The following SLC27A6 variants were observed in gnomAD, a reference collection of about 807,000 sequenced individuals.
SLC27A6 encodes the protein solute carrier family 27 member 6, also known as long-chain fatty acid transport protein 6.
Under a neutral mutation model 63.9 loss-of-function variants are expected in SLC27A6, and 74 were observed. The observed-to-expected ratio is 1.16, with a 90% CI of 0.96 to 1.40. The LOEUF is 1.40. Ranked by LOEUF, SLC27A6 falls within the 40% of genes most tolerant of loss-of-function variation. The pLI is 0.00. For missense variants in SLC27A6, 794 were observed against 732.9 expected, an observed-to-expected ratio of 1.08 and a Z score of -0.96; for synonymous variants, 287 against 260.8, an observed-to-expected ratio of 1.10 and a Z score of -0.97.
intron 1 of SLC27A6, among the ~76,000 whole-genome samples, chr5:128,970,379 A>G (rs10007882): frequency 6.6e-6 from 1 of 152,044 alleles, no homozygotes; most frequent in East Asian, 1.9e-4. Flanking sequence ...TTGTGAACCC[A>G]TCTTGTCCTG....
chr5:128,977,541 A>G (rs1277844886), intron 1 of SLC27A6, among the ~76,000 whole-genome samples: 1 of 152,134 alleles, frequency 6.6e-6, no homozygotes, highest in South Asian at 2.1e-4. Context: ...AGGAGGAGAA[A>G]GGAGGAAAAA....
Position 129,027,148 on chromosome 5 carries a change from T to G in SLC27A6, c.1271T>G (p.Leu424Arg). The stretch of plus-strand genomic sequence containing the variant: ...TTTCTTGCAGGAGAACCTGGACTTC[T>G]CATTTCTCGAGTGAATGCAAAAAAT... ...IHVKKGEPGL[L>R]ISRVNAKNPF... Residue 424 changes from leucine (L) to arginine (R), a missense_variant, in exon 7 of 10, where the codon CTC becomes CGC. Physicochemically the swap from Leu to Arg is moderately radical, Grantham distance 102. Transcript: ENST00000262462. The G allele has an allele frequency of 6.2e-7, 1 of 1,613,328 alleles. No individual in the cohort carries two copies. Among genetic ancestry groups the G allele is most frequent in the East Asian group, 2.2e-5 (1 of 44,836 alleles).
Position 128,990,416 on chromosome 5 carries a change from G to A in SLC27A6, c.921G>A (p.Val307=). The A allele has an allele frequency of 6.2e-7, 1 of 1,613,840 alleles. No individual in the cohort carries two copies. Residue 307 remains valine (V), a synonymous_variant, in exon 4 of 10, where the codon GTG becomes GTA. Coordinates refer to ENST00000262462, the MANE Select transcript of SLC27A6 (RefSeq NM_001017372.3). ...WSDCKKYDVT[V]FQYIGELCRY... ...ACTGCAAGAAGTATGATGTGACTGT[G>A]TTTCAGTATATTGGAGAACTTTGTC...
At chr5:129,005,116 A>G (rs1561624416) in intron 4 of SLC27A6, among the ~76,000 whole-genome samples, 1 of 151,880 alleles carries the variant, frequency 6.6e-6, no homozygotes, top group Non-Finnish European at 1.5e-5. Context: ...TCCAGGGTTC[A>G]CCAATAGAGT....
chr5:129,033,239 G>A lies in SLC27A6; in HGVS notation c.1817G>A (p.Arg606Lys). 1.3e-6 allele frequency: 2 copies of A among 1,588,208 alleles called. No homozygotes were observed. The highest frequency in any genetic ancestry group is 8.6e-7 in the Non-Finnish European group (1 of 1,166,596). ...NLKKSYVLLT[R>K]ELYDQIMLGE... ...AAAAAGTCTTATGTTCTACTGACCA[G>A]GGAACTTTATGATCAAATAATGTTA... The change falls in exon 10 of 10, where the codon AGG (arginine) becomes AAG (lysine). Residue 606 changes from arginine (R) to lysine (K), a missense_variant. By Grantham distance (26) the Arg-to-Lys change is conservative (BLOSUM62 2). Transcript: ENST00000262462.
chr5:128,985,190 G>A lies in SLC27A6; in HGVS notation c.539G>A (p.Trp180Ter). The A allele has an allele frequency of 1.2e-6, 2 of 1,613,876 alleles. No individual in the cohort carries two copies. Among genetic ancestry groups the A allele is most frequent in the Non-Finnish European group, 1.7e-6 (2 of 1,179,864 alleles). ...AGCCTCTCAGAAAATATCAGTGTTT[G>A]GGGGATGAAAGATTCTGTTCCACAA... The part of the protein sequence containing the change: ...LPSLSENISV[W>*]GMKDSVPQGV... Residue 180 changes from tryptophan to a stop codon, truncating the protein, a stop_gained, in exon 2 of 10, where the codon TGG becomes TAG. Coordinates refer to ENST00000262462, the MANE Select transcript of SLC27A6 (RefSeq NM_001017372.3). LOFTEE classifies it high-confidence loss of function.
intron 1 of SLC27A6, among the ~76,000 whole-genome samples, chr5:128,967,208 TC>T (rs201036225): frequency 6.6e-6 from 1 of 152,158 alleles, no homozygotes; most frequent in African/African-American, 2.4e-5. Flanking sequence ...TGCATCCTTT[TC>T]TTTTTTTGAC....
At chr5:128,992,380 C>T (rs1751015802) in intron 4 of SLC27A6, among the ~76,000 whole-genome samples, 1 of 152,106 alleles carries the variant, frequency 6.6e-6, no homozygotes, top group South Asian at 2.1e-4. Context: ...CAATTAATTA[C>T]CCAGAGCACA....
chr5:128,980,168 C>G (rs772436026), intron 1 of SLC27A6, among the ~76,000 whole-genome samples: 9 of 151,930 alleles, frequency 5.9e-5, no homozygotes, highest in Admixed American at 3.9e-4. Context: ...ATTGTATGTC[C>G]TCATCATCAT....
chr5:129,033,397 C>A lies in SLC27A6; in HGVS notation c.*115C>A. Reference sequence around the variant, plus strand: ...CATTAATTATGCATGTACTATATTTCCTTAATATGAGAGATAATTTTTTAA... The same window carrying A: ...CATTAATTATGCATGTACTATATTTACTTAATATGAGAGATAATTTTTTAA... On this transcript the variant is annotated 3_prime_UTR_variant, in exon 10 of 10. Coordinates refer to ENST00000262462, the MANE Select transcript of SLC27A6 (RefSeq NM_001017372.3). 1 of 502,520 alleles carries A rather than the reference C, an allele frequency of 2.0e-6. No homozygotes were observed. Among genetic ancestry groups the A allele is most frequent in the Non-Finnish European group, 3.4e-6 (1 of 292,274 alleles). The allele number at this position is 502,520 out of a possible 1,614,324, so 31.1% of individuals were successfully genotyped here. A position where few individuals can be genotyped will look rare whatever the true frequency, so the allele number is the denominator to read the frequency against.
rs1415422514 is a variant in SLC27A6, at chr5:128,973,219, C to T, written c.481+6601C>T. On this transcript the variant is annotated intron_variant, in intron 1 of 9. Coordinates refer to ENST00000262462, the MANE Select transcript of SLC27A6 (RefSeq NM_001017372.3). ...GGAGATGTCTCCCAGTTAGGCTACT[C>T]GTGGGTCAGGGACCCACTTGAGGAG... is the stretch of plus-strand genomic sequence containing the variant. Among the ~76,000 whole-genome samples, 5 of 152,140 alleles carry T rather than the reference C, an allele frequency of 3.3e-5. No homozygotes were observed. The South Asian group carries it at 6.2e-4, about 19-fold the overall frequency.
At chr5:128,995,428 G>A (rs1482286036) in intron 4 of SLC27A6, among the ~76,000 whole-genome samples, 1 of 152,160 alleles carries the variant, frequency 6.6e-6, no homozygotes, top group African/African-American at 2.4e-5. Flanking sequence ...TTTGATGAGG[G>A]GGAGAGAAAA....
chr5:128,971,540 T>C lies in SLC27A6; in HGVS notation c.481+4922T>C, dbSNP rs1750161299. 2.0e-5 allele frequency among the ~76,000 whole-genome samples: 3 copies of C among 151,660 alleles called. 1 individual carries two copies. In the South Asian group the frequency reaches 6.3e-4, roughly 32 times the overall value. Reference sequence around the variant, plus strand: ...GCCTTCTTTGTCTCTTGATCTTTGTTGGTTTAAAGTCTTTTTTATCAGAGA... The same window carrying C: ...GCCTTCTTTGTCTCTTGATCTTTGTCGGTTTAAAGTCTTTTTTATCAGAGA... On this transcript the variant is annotated intron_variant, in intron 1 of 9. Transcript: ENST00000262462.
intron 1 of SLC27A6, among the ~76,000 whole-genome samples, chr5:128,983,113 G>A (rs1046160021): frequency 1.3e-4 from 20 of 152,104 alleles, no homozygotes; most frequent in African/African-American, 4.6e-4. Flanking sequence ...GAGGGAACCA[G>A]ATACTGATTT....
intron 1 of SLC27A6, among the ~76,000 whole-genome samples, chr5:128,967,041 A>T (rs2526248): frequency 0.24 from 36,661 of 152,054 alleles, 4,986 homozygotes; most frequent in Middle Eastern, 0.33. Flanking sequence ...ATATGTTTAA[A>T]GGAAGGTACC....
In SLC27A6 at chr5:128,990,429, G is replaced by A. The variant is rs1217370921; in HGVS notation, c.934G>A (p.Gly312Arg). ...KYDVTVFQYIGELCRYLCKQS... is the reference protein window; with the variant it reads ...KYDVTVFQYIRELCRYLCKQS... ...TGATGTGACTGTGTTTCAGTATATT[G>A]GAGAACTTTGTCGCTACCTTTGCAA... The change falls in exon 4 of 10, where the codon GGA becomes AGA. Residue 312 changes from glycine to arginine, a missense_variant. By Grantham distance (125) the Gly-to-Arg change is moderately radical. Coordinates refer to ENST00000262462, the MANE Select transcript of SLC27A6 (RefSeq NM_001017372.3). 6.2e-7 allele frequency: 1 copy of A among 1,613,628 alleles called. No individual in the cohort carries two copies. The highest frequency in any genetic ancestry group is 8.5e-7 in the Non-Finnish European group (1 of 1,179,870).
chr5:128,970,642 T>C (rs1173024320), intron 1 of SLC27A6, among the ~76,000 whole-genome samples: 1 of 152,136 alleles, frequency 6.6e-6, no homozygotes, highest in African/African-American at 2.4e-5. Context: ...ATTTGACTCT[T>C]CTCTCTTTTC....
rs1024018801 is a variant in SLC27A6 at position 129,006,202 on chromosome 5, C to A, written c.970-9683C>A. On this transcript the variant is annotated intron_variant, in intron 4 of 9. Coordinates refer to ENST00000262462, the MANE Select transcript of SLC27A6 (RefSeq NM_001017372.3). ...CACGCCATTCTCCCGCCTCAGCCTC[C>A]CGAGTAGCTGGCACTACAGGCGCCA... 2.6e-5 allele frequency among the ~76,000 whole-genome samples: 4 copies of A among 151,410 alleles called. No individual in the cohort carries two copies. The East Asian group carries it at 8.0e-4, about 30-fold the overall frequency.
chr5:129,030,025 G>A (rs146861236), intron 9 of SLC27A6, among the ~76,000 whole-genome samples: 4 of 152,098 alleles, frequency 2.6e-5, no homozygotes, highest in South Asian at 2.1e-4. Context: ...AAGACATTTG[G>A]TGCTATGTGC....
Sources: allele counts gnomAD v4.1 joint callset (sites outside exome capture counted in the v4.1 genomes callset), GRCh38; gene constraint gnomAD v4.1.1; transcripts MANE v1.5; gene names NCBI Gene and HGNC (gene_info 2026-07-23, HGNC 2026-07-21).